The following SCFD2 variants were observed in gnomAD, a reference collection of about 807,000 sequenced individuals.
SCFD2 encodes sec1 family domain-containing protein 2.
In SCFD2, 54 loss-of-function variants were observed where a neutral mutation model predicts 58.9. The ratio of observed to expected loss-of-function variants is 0.92; its 90% confidence interval spans 0.74 to 1.15. SCFD2 has a LOEUF of 1.15. SCFD2 is among the 50% of genes most tolerant of loss of function. The probability of loss-of-function intolerance (pLI) is 0.00; values close to 1 mark genes in which losing one functional copy is unlikely to be tolerated. For missense variants in SCFD2, 805 were observed against 836.6 expected (o/e 0.96, Z 0.47); for synonymous variants, 321 against 335.9 (o/e 0.96, Z 0.49).
chr4:53,247,910 G>A (rs1025110531), intron 4 of SCFD2, among the ~76,000 whole-genome samples: 1 of 151,122 alleles, frequency 6.6e-6, no homozygotes, highest in African/African-American at 2.4e-5. Context: ...GATCATGTTT[G>A]GGGGAGGAGC....
intron 5 of SCFD2, among the ~76,000 whole-genome samples, chr4:52,998,528 G>T (rs1721795194): frequency 6.6e-6 from 1 of 152,160 alleles, no homozygotes; most frequent in Admixed American, 6.5e-5. Context: ...AAATGAAAGG[G>T]AAAGTTAATT....
intron 5 of SCFD2, among the ~76,000 whole-genome samples, chr4:53,032,166 A>T: frequency 6.6e-6 from 1 of 152,224 alleles, no homozygotes. Flanking sequence ...TTTTCAACCC[A>T]GAATTTCATA....
In SCFD2 at chr4:53,118,056, A is replaced by G. The variant is rs1441158412; in HGVS notation, c.1561+27277T>C. Reference sequence around the variant, plus strand: ...CACATTGATTGAGCATCAGTATTGTATGCCAGGTACTATGTGACATGGACA... The same window carrying G: ...CACATTGATTGAGCATCAGTATTGTGTGCCAGGTACTATGTGACATGGACA... On this transcript the variant is annotated intron_variant, in intron 5 of 8. Transcript: ENST00000401642. Among the ~76,000 whole-genome samples, 5 of 152,206 alleles carry G rather than the reference A, an allele frequency of 3.3e-5. No homozygotes were observed. In the East Asian group the frequency reaches 9.6e-4, roughly 29 times the overall value.
chr4:53,336,875 A>T (rs1733700902), intron 2 of SCFD2, among the ~76,000 whole-genome samples: 1 of 152,194 alleles, frequency 6.6e-6, no homozygotes, highest in South Asian at 2.1e-4. Context: ...TACAATAAGC[A>T]CATGAAAGTG....
At chr4:53,277,264 A>G (rs746247235) in intron 3 of SCFD2, among the ~76,000 whole-genome samples, 1 of 152,194 alleles carries the variant, frequency 6.6e-6, no homozygotes, top group Non-Finnish European at 1.5e-5. Context: ...AATGATTAAC[A>G]TTTTTAAGAA....
chr4:53,298,042 T>G (rs917473217), intron 3 of SCFD2, among the ~76,000 whole-genome samples: 3 of 152,162 alleles, frequency 2.0e-5, no homozygotes, highest in South Asian at 2.1e-4. Context: ...GGGTGATTTC[T>G]GCATTTCCAA....
intron 1 of SCFD2, among the ~76,000 whole-genome samples, chr4:53,364,373 T>C (rs1473120510): frequency 6.6e-6 from 1 of 152,236 alleles, no homozygotes; most frequent in Non-Finnish European, 1.5e-5. Flanking sequence ...AACAGTATTA[T>C]ACAACCTAAT....
chr4:53,255,819 C>T (rs6554084), intron 4 of SCFD2, among the ~76,000 whole-genome samples: 14 of 143,762 alleles, frequency 9.7e-5, no homozygotes, highest in African/African-American at 3.6e-4. Flanking sequence ...CCTCCCGGAC[C>T]GGGCAGCTGG....
At chr4:52,972,116 C>G (rs1721119486) in intron 5 of SCFD2, among the ~76,000 whole-genome samples, 1 of 152,144 alleles carries the variant, frequency 6.6e-6, no homozygotes, top group Admixed American at 6.5e-5. Context: ...AATTAACAAG[C>G]AAAATAACCA....
intron 5 of SCFD2, among the ~76,000 whole-genome samples, chr4:52,978,169 C>A (rs1243933517): frequency 6.6e-6 from 1 of 152,160 alleles, no homozygotes; most frequent in Non-Finnish European, 1.5e-5. Context: ...GCAGGGTAAG[C>A]AAACAGTCAT....
At chr4:53,043,695 C>A (rs140477952) in intron 5 of SCFD2, among the ~76,000 whole-genome samples, 77 of 152,114 alleles carry the variant, frequency 5.1e-4, no homozygotes, top group African/African-American at 1.8e-3. Context: ...CAAGAAAAGA[C>A]TTTGTGAGGA....
intron 5 of SCFD2, among the ~76,000 whole-genome samples, chr4:53,072,175 G>A (rs755673873): frequency 8.5e-5 from 13 of 152,078 alleles, no homozygotes; most frequent in Non-Finnish European, 1.6e-4. Context: ...CTACACCTAA[G>A]AAGAGGCCCA....
At chr4:53,292,445 GA>G (rs1486018133) in intron 3 of SCFD2, among the ~76,000 whole-genome samples, 1 of 152,030 alleles carries the variant, frequency 6.6e-6, no homozygotes, top group African/African-American at 2.4e-5. Flanking sequence ...ACAAACATAT[GA>G]AAAAAAGCTC....
At chr4:53,025,124 G>A (rs893281521) in intron 5 of SCFD2, among the ~76,000 whole-genome samples, 7 of 152,268 alleles carry the variant, frequency 4.6e-5, no homozygotes, top group African/African-American at 1.2e-4. Flanking sequence ...AACAGAAGAA[G>A]GGGGTAAGAA....
chr4:53,236,811 TA>T (rs1729629981), intron 4 of SCFD2, among the ~76,000 whole-genome samples: 12 of 20,850 alleles, frequency 5.8e-4, no homozygotes, highest in Admixed American at 1.2e-3. Context: ...GTCACTGTTT[TA>T]TTTATTTATT....
chr4:53,193,041 T>C (rs1727959617), intron 4 of SCFD2, among the ~76,000 whole-genome samples: 1 of 152,150 alleles, frequency 6.6e-6, no homozygotes, highest in African/African-American at 2.4e-5. Flanking sequence ...GTTGTAAGCA[T>C]AAATTACATC....
intron 1 of SCFD2, among the ~76,000 whole-genome samples, chr4:53,364,733 G>T (rs201621740): frequency 2.9e-5 from 1 of 35,042 alleles, no homozygotes; most frequent in Non-Finnish European, 1.4e-4. Context: ...CAACAAACCA[G>T]AGTCTTCTTA....
intron 5 of SCFD2, among the ~76,000 whole-genome samples, chr4:53,139,997 CTTGAAGGCAGCATGCTCG>C (rs1380108268): frequency 6.6e-6 from 1 of 151,880 alleles, no homozygotes; most frequent in African/African-American, 2.4e-5. Context: ...TAAACAGATG[CTTGAAGGCAGCATGCTCG>C]TTAAGAGTCA....
At chr4:53,323,041 A>G (rs538031404) in intron 2 of SCFD2, among the ~76,000 whole-genome samples, 1 of 152,372 alleles carries the variant, frequency 6.6e-6, no homozygotes, top group Non-Finnish European at 1.5e-5. Context: ...ATATGCAATG[A>G]TTATACAGTG....
Sources: allele counts gnomAD v4.1 joint callset (sites outside exome capture counted in the v4.1 genomes callset), GRCh38; gene constraint gnomAD v4.1.1; transcripts MANE v1.5; gene names NCBI Gene and HGNC (gene_info 2026-07-23, HGNC 2026-07-21).